The following ADCY3 variants were observed in gnomAD, a reference collection of about 807,000 sequenced individuals.
ADCY3 encodes adenylate cyclase 3.
A neutral mutation model predicts 119.4 loss-of-function variants in ADCY3; 70 were observed. That is an observed-to-expected ratio of 0.59 (90% confidence interval 0.48 to 0.72). The LOEUF (loss-of-function observed/expected upper bound fraction) is 0.72, where lower values mean the gene tolerates loss of function less well. ADCY3 is among the 30% of genes least tolerant of loss of function. The pLI is 0.00. For missense variants in ADCY3, 1,238 were observed against 1,541.6 expected (o/e 0.80, Z 3.30); for synonymous variants, 672 against 621.4 (o/e 1.08, Z -1.21).
At chr2:24,820,902 C>T in intron 20 of ADCY3, 54 bp from the exon 21 acceptor site, 7 of 1,598,418 alleles carry the variant, frequency 4.4e-6, no homozygotes, top group Non-Finnish European at 6.0e-6. Context: ...TTGTTATGGG[C>T]CTCAGAAGCC....
chr2:24,828,406 T>C (rs1471461533), intron 13 of ADCY3, among the ~76,000 whole-genome samples: 1 of 152,210 alleles, frequency 6.6e-6, no homozygotes, highest in African/African-American at 2.4e-5. Flanking sequence ...GTACTGTCCC[T>C]ATTGTACAGA....
At chr2:24,873,651 G>C (rs1675302434) in intron 2 of ADCY3, among the ~76,000 whole-genome samples, 1 of 152,232 alleles carries the variant, frequency 6.6e-6, no homozygotes, top group South Asian at 2.1e-4. Flanking sequence ...CTTTGGCCAT[G>C]CCTGGGCCCC....
At chr2:24,828,315 CAT>C (rs1457903995) in intron 13 of ADCY3, among the ~76,000 whole-genome samples, 154 bp from the exon 14 acceptor site, 1 of 152,234 alleles carries the variant, frequency 6.6e-6, no homozygotes, top group East Asian at 1.9e-4. Context: ...AGGGACTAAT[CAT>C]ATGAAAGTTA....
chr2:24,901,165 C>G (rs528140336), intron 2 of ADCY3, among the ~76,000 whole-genome samples: 311 of 152,324 alleles, frequency 2.0e-3, no homozygotes, highest in African/African-American at 7.2e-3. Context: ...GCGCTGGAGT[C>G]CCCAGAGCCG....
chr2:24,820,140 G>A (rs777713169), intron 21 of ADCY3, 26 bp from the exon 22 acceptor site: 4 of 1,520,078 alleles, frequency 2.6e-6, no homozygotes, highest in East Asian at 2.3e-5. Flanking sequence ...GAGCAAGAAC[G>A]TGGCGTTACG....
At chr2:24,889,280 G>T (rs1294540581) in intron 2 of ADCY3, among the ~76,000 whole-genome samples, 1 of 152,208 alleles carries the variant, frequency 6.6e-6, no homozygotes, top group East Asian at 1.9e-4. Flanking sequence ...AGTTTGAACA[G>T]AAAGCACAAA....
At chr2:24,879,747 G>C (rs1676164627) in intron 2 of ADCY3, among the ~76,000 whole-genome samples, 1 of 152,160 alleles carries the variant, frequency 6.6e-6, no homozygotes, top group African/African-American at 2.4e-5. Flanking sequence ...CCGGAACCCA[G>C]ACCCCCTTAC....
At chr2:24,903,292 T>C (rs1679125822) in intron 2 of ADCY3, among the ~76,000 whole-genome samples, 1 of 152,200 alleles carries the variant, frequency 6.6e-6, no homozygotes, top group African/African-American at 2.4e-5. Flanking sequence ...CTTTTGTTGT[T>C]ATTCCCCTTT....
At chr2:24,823,089 G>A (rs1438425608) in intron 18 of ADCY3, 120 bp downstream of exon 18, 3 of 1,286,010 alleles carry the variant, frequency 2.3e-6, no homozygotes, top group South Asian at 1.6e-5. Context: ...TCCATGTATT[G>A]CGGAAGGGGC....
intron 3 of ADCY3, among the ~76,000 whole-genome samples, chr2:24,861,873 C>A (rs1353054205): frequency 1.3e-5 from 2 of 152,228 alleles, no homozygotes; most frequent in East Asian, 1.9e-4. Flanking sequence ...CATCTTGGAG[C>A]CCCAAAGGGC....
At chr2:24,866,690 T>C (rs985776850) in intron 3 of ADCY3, among the ~76,000 whole-genome samples, 3 of 151,328 alleles carry the variant, frequency 2.0e-5, no homozygotes, top group Admixed American at 1.3e-4. Context: ...ATGTTTAATA[T>C]ATTCTAAAAA....
At chr2:24,907,236 G>A (rs541740772) in intron 2 of ADCY3, among the ~76,000 whole-genome samples, 1 of 152,214 alleles carries the variant, frequency 6.6e-6, no homozygotes, top group Admixed American at 6.5e-5. Flanking sequence ...CCGAGAGCTG[G>A]ATAGGCAGCT....
At chr2:24,877,897 A>T (rs898230830) in intron 2 of ADCY3, 1 of 471,178 alleles carries the variant, frequency 2.1e-6, no homozygotes, top group South Asian at 1.5e-5. Context: ...TGCACTGCCC[A>T]GTCCCGGGTC....
intron 3 of ADCY3, among the ~76,000 whole-genome samples, chr2:24,869,167 T>TG (rs1674668169): frequency 1.3e-5 from 2 of 151,380 alleles, no homozygotes; most frequent in Non-Finnish European, 2.9e-5. Context: ...TCTTCAGTAA[T>TG]GAAAAAAAGG....
chr2:24,841,537 GGC>G lies in ADCY3; in HGVS notation c.1068+17_1068+18del. ...GAGGGCAGGCCCCGCTGGAGAGCCA[GGC>G]GGGGCCAGGGACTTACAGCTGCCAG... On this transcript the variant is annotated intron_variant, in intron 5 of 21. Coordinates refer to ENST00000679454, the MANE Select transcript of ADCY3 (RefSeq NM_004036.5). This position sits in a 1 kb window ranked among gnomAD's most constrained non-coding sequence, Gnocchi z 5.8. 1.9e-6 allele frequency: 3 copies of G among 1,605,340 alleles called. No homozygotes were observed. Among genetic ancestry groups the G allele is most frequent in the Non-Finnish European group, 2.6e-6 (3 of 1,174,336 alleles).
In ADCY3 at chr2:24,918,790, G is replaced by A. The variant is rs1329334316; in HGVS notation, c.198C>T (p.Tyr66=). ...GGCGCTGCCTTTTGAAGTAGGTCTG[G>A]TAGAGGTTCTCCAAGGACTCCGGCA... ...TFVPESLENL[Y]QTYFKRQRHE... Residue 66 remains tyrosine, a synonymous_variant, in exon 2 of 22, where the codon TAC becomes TAT. Transcript: ENST00000679454. This position sits in a 1 kb window ranked among gnomAD's most constrained non-coding sequence, Gnocchi z 5.4. 2 of 1,613,976 alleles carry A rather than the reference G, an allele frequency of 1.2e-6. No homozygotes were observed. The highest frequency in any genetic ancestry group is 8.5e-7 in the Non-Finnish European group (1 of 1,180,034).
chr2:24,887,918 T>C (rs910749295), intron 2 of ADCY3, among the ~76,000 whole-genome samples: 14 of 152,196 alleles, frequency 9.2e-5, no homozygotes, highest in African/African-American at 3.1e-4. Context: ...TTGTTAGGCA[T>C]ATTATAAATT....
intron 7 of ADCY3, chr2:24,838,866 T>C (rs770368903): frequency 6.9e-6 from 11 of 1,603,892 alleles, no homozygotes; most frequent in Non-Finnish European, 9.4e-6. Context: ...AGCCTCAGTG[T>C]TGGAGCCACG....
intron 3 of ADCY3, among the ~76,000 whole-genome samples, chr2:24,846,144 C>T (rs1050791498): frequency 2.6e-5 from 4 of 152,200 alleles, no homozygotes; most frequent in Non-Finnish European, 5.9e-5. Context: ...AATGTGTAGT[C>T]GGAGCCACCA....
Sources: allele counts gnomAD v4.1 joint callset (sites outside exome capture counted in the v4.1 genomes callset), GRCh38; gene constraint gnomAD v4.1.1; non-coding constraint Gnocchi (gnomAD v3.1); transcripts MANE v1.5; gene names NCBI Gene and HGNC (gene_info 2026-07-23, HGNC 2026-07-21).